KCNN2: variants seen among roughly 807,000 people sequenced by gnomAD.
KCNN2 encodes small conductance calcium-activated potassium channel protein 2.
In KCNN2, 24 loss-of-function variants were observed where a neutral mutation model predicts 55.5. The ratio of observed to expected loss-of-function variants is 0.43; its 90% confidence interval spans 0.31 to 0.61. KCNN2 has a LOEUF of 0.61. KCNN2 is among the 20% of genes least tolerant of loss of function. The pLI is 0.08. For missense variants in KCNN2, 754 were observed against 853.6 expected (o/e 0.88, Z 1.45); for synonymous variants, 431 against 336.1 (o/e 1.28, Z -3.09).
At chr5:114,234,871 C>T (rs953145717) in intron 2 of KCNN2, among the ~76,000 whole-genome samples, 1 of 152,112 alleles carries the variant, frequency 6.6e-6, no homozygotes, top group African/African-American at 2.4e-5. Context: ...AGATACTCTT[C>T]ATTTGGTTAA....
chr5:114,354,033 G>A (rs909097036), intron 2 of KCNN2, among the ~76,000 whole-genome samples: 1 of 151,158 alleles, frequency 6.6e-6, no homozygotes, highest in Admixed American at 6.6e-5. Flanking sequence ...TTTTCTTTTG[G>A]TCTTCCATTT....
chr5:114,249,432 G>T (rs1194760608), intron 2 of KCNN2, among the ~76,000 whole-genome samples: 2 of 151,520 alleles, frequency 1.3e-5, no homozygotes, highest in Admixed American at 6.6e-5. Context: ...GATTACAGGT[G>T]CGTGCCACTA....
chr5:114,158,886 G>T (rs1316413088), intron 1 of KCNN2, among the ~76,000 whole-genome samples: 1 of 152,172 alleles, frequency 6.6e-6, no homozygotes, highest in Non-Finnish European at 1.5e-5. Flanking sequence ...TTGCTTATCA[G>T]TTTAAGGAGA....
chr5:114,305,427 G>T (rs1447672562), intron 2 of KCNN2, among the ~76,000 whole-genome samples: 1 of 152,186 alleles, frequency 6.6e-6, no homozygotes, highest in Non-Finnish European at 1.5e-5. Context: ...TCCTTGGGAT[G>T]TATGTTATCT....
intron 1 of KCNN2, among the ~76,000 whole-genome samples, chr5:114,190,189 A>G (rs1753422313): frequency 1.3e-5 from 2 of 151,992 alleles, no homozygotes; most frequent in African/African-American, 4.8e-5. Context: ...ATCCTCACAA[A>G]ACAAGCTGAA....
At chr5:114,262,668 T>A (rs530297869) in intron 2 of KCNN2, among the ~76,000 whole-genome samples, 6 of 152,358 alleles carry the variant, frequency 3.9e-5, no homozygotes, top group African/African-American at 1.4e-4. Context: ...GTGCTTAGAA[T>A]AGCAGGTGAA....
intron 1 of KCNN2, among the ~76,000 whole-genome samples, chr5:114,098,261 C>T (rs1751303513): frequency 1.3e-5 from 2 of 151,994 alleles, no homozygotes; most frequent in African/African-American, 4.8e-5. Flanking sequence ...GTCCCTTTTA[C>T]CATGTAAGGG....
intron 2 of KCNN2, among the ~76,000 whole-genome samples, chr5:114,389,033 T>C (rs1292620508): frequency 1.3e-5 from 2 of 152,030 alleles, no homozygotes; most frequent in Non-Finnish European, 2.9e-5. Flanking sequence ...TGATTTTTCA[T>C]TAGATGAGTT....
chr5:114,456,510 A>C (rs61581750), intron 3 of KCNN2, among the ~76,000 whole-genome samples: 23,508 of 152,226 alleles, frequency 0.15, 2,371 homozygotes, highest in African/African-American at 0.28. Flanking sequence ...CCTGCTAACA[A>C]AACATCTATT....
At chr5:114,144,311 G>C (rs961662331) in intron 1 of KCNN2, among the ~76,000 whole-genome samples, 4 of 151,914 alleles carry the variant, frequency 2.6e-5, no homozygotes, top group African/African-American at 4.8e-5. Context: ...CATTAATTTG[G>C]CCAATTTTTG....
intron 2 of KCNN2, among the ~76,000 whole-genome samples, chr5:114,279,570 G>A (rs138741037): frequency 2.0e-5 from 3 of 152,092 alleles, no homozygotes; most frequent in Non-Finnish European, 4.4e-5. Context: ...CTGTCCTTGC[G>A]ATAGTTTGCT....
intron 2 of KCNN2, among the ~76,000 whole-genome samples, chr5:114,250,788 A>G (rs991538975): frequency 6.6e-6 from 1 of 152,140 alleles, no homozygotes; most frequent in African/African-American, 2.4e-5. Context: ...AGTTGTCTCT[A>G]CTGCCTGATT....
chr5:114,332,186 C>G (rs1156467123), intron 2 of KCNN2, among the ~76,000 whole-genome samples: 2 of 152,136 alleles, frequency 1.3e-5, no homozygotes, highest in Admixed American at 6.6e-5. Flanking sequence ...AGGGAATTTA[C>G]AGTTAATATC....
At chr5:114,090,257 A>G (rs1751109563) in intron 1 of KCNN2, among the ~76,000 whole-genome samples, 1 of 152,170 alleles carries the variant, frequency 6.6e-6, no homozygotes, top group Non-Finnish European at 1.5e-5. Context: ...AAGAAGCCTT[A>G]AGGATGAGGA....
chr5:114,378,586 TTG>T (rs1439469279), intron 2 of KCNN2, among the ~76,000 whole-genome samples: 1 of 152,120 alleles, frequency 6.6e-6, no homozygotes, highest in East Asian at 1.9e-4. Context: ...TGATGTGGAA[TTG>T]TGTGTTGAAT....
intron 2 of KCNN2, among the ~76,000 whole-genome samples, chr5:114,371,721 T>C (rs1181564802): frequency 2.0e-5 from 3 of 152,306 alleles, no homozygotes; most frequent in East Asian, 3.9e-4. Context: ...AGTTAAATAG[T>C]CCAATTTCTT....
At chr5:114,092,904 G>A (rs1751174373) in intron 1 of KCNN2, among the ~76,000 whole-genome samples, 1 of 152,146 alleles carries the variant, frequency 6.6e-6, no homozygotes. Context: ...CTCCAGGCTT[G>A]TGATTGGAAG....
intron 1 of KCNN2, among the ~76,000 whole-genome samples, chr5:114,142,502 A>G (rs139002498): frequency 1.1e-3 from 168 of 152,300 alleles, no homozygotes; most frequent in East Asian, 2.7e-3. Context: ...CCTTAAGCTG[A>G]TAATCAACTT....
intron 1 of KCNN2, among the ~76,000 whole-genome samples, chr5:114,068,007 T>C (rs1453006594): frequency 6.6e-6 from 1 of 152,204 alleles, no homozygotes; most frequent in Non-Finnish European, 1.5e-5. Flanking sequence ...AACAACTAAT[T>C]TTTCCAGGAG....
Sources: gnomAD v4.1 joint callset for allele counts (sites outside exome capture counted in the v4.1 genomes callset) on GRCh38, gnomAD v4.1.1 for gene constraint, MANE v1.5 for transcripts, NCBI Gene and HGNC (gene_info 2026-07-23, HGNC 2026-07-21) for gene names.